VPS13B: variants seen among roughly 807,000 people sequenced by gnomAD.
VPS13B encodes intermembrane lipid transfer protein VPS13B.
Under a neutral mutation model 426.4 loss-of-function variants are expected in VPS13B, and 285 were observed. The ratio of observed to expected loss-of-function variants is 0.67; its 90% confidence interval spans 0.61 to 0.74. The LOEUF (loss-of-function observed/expected upper bound fraction) is 0.74. Ranked by LOEUF, VPS13B falls within the 30% of genes least tolerant of loss-of-function variation. The pLI, the probability that VPS13B is intolerant of heterozygous loss-of-function variation, is 0.00. For missense variants in VPS13B, 4,537 were observed against 4,782.6 expected (o/e 0.95, Z 1.51); for synonymous variants, 1,676 against 1,676.4 (o/e 1.00, Z 0.01).
At chr8:99,474,279 C>T (rs193175370) in intron 24 of VPS13B, among the ~76,000 whole-genome samples, 130 of 149,046 alleles carry the variant, frequency 8.7e-4, no homozygotes, top group African/African-American at 3.0e-3. Flanking sequence ...ACCTCCTCCT[C>T]GCAGGTTCAA....
At chr8:99,396,904 G>C (rs1179255461) in intron 21 of VPS13B, among the ~76,000 whole-genome samples, 1 of 151,212 alleles carries the variant, frequency 6.6e-6, no homozygotes, top group Admixed American at 6.6e-5. Context: ...GAATACTAAG[G>C]CTTCTACCAA....
intron 5 of VPS13B, among the ~76,000 whole-genome samples, chr8:99,106,567 G>A (rs75275256): frequency 1.3e-5 from 2 of 151,492 alleles, no homozygotes; most frequent in African/African-American, 2.4e-5. Flanking sequence ...TCAGCACCCA[G>A]AAGTGCTTGT....
intron 39 of VPS13B, among the ~76,000 whole-genome samples, chr8:99,732,513 G>C (rs1207032302): frequency 2.6e-5 from 4 of 152,204 alleles, no homozygotes; most frequent in Non-Finnish European, 5.9e-5. Flanking sequence ...AAGTTAAAAG[G>C]GAAATGGGGC....
At chr8:99,855,909 G>A (rs936730232) in intron 56 of VPS13B, among the ~76,000 whole-genome samples, 1 of 152,232 alleles carries the variant, frequency 6.6e-6, no homozygotes, top group African/African-American at 2.4e-5. Flanking sequence ...ATAGATGGGT[G>A]TATTTATAAA....
At chr8:99,657,687 T>C (rs1830073357) in intron 34 of VPS13B, among the ~76,000 whole-genome samples, 4 of 152,216 alleles carry the variant, frequency 2.6e-5, no homozygotes. Context: ...TATCTATAGA[T>C]AGATATTTAG....
At chr8:99,334,720 G>T (rs1282103786) in intron 19 of VPS13B, among the ~76,000 whole-genome samples, 1 of 152,126 alleles carries the variant, frequency 6.6e-6, no homozygotes, top group East Asian at 1.9e-4. Context: ...ACTTGATCAT[G>T]GTGGATAAGC....
At chr8:99,850,390 T>G (rs938042627) in intron 55 of VPS13B, among the ~76,000 whole-genome samples, 1 of 149,466 alleles carries the variant, frequency 6.7e-6, no homozygotes, top group African/African-American at 2.5e-5. Context: ...CATACATACA[T>G]AAGTACGCAT....
intron 35 of VPS13B, among the ~76,000 whole-genome samples, chr8:99,674,381 T>A (rs893323217): frequency 6.6e-6 from 1 of 152,118 alleles, no homozygotes; most frequent in Non-Finnish European, 1.5e-5. Flanking sequence ...AAGTATGATA[T>A]AAGTATAGCT....
intron 25 of VPS13B, among the ~76,000 whole-genome samples, chr8:99,484,854 A>AC (rs1288718312): frequency 6.6e-6 from 1 of 151,946 alleles, no homozygotes; most frequent in Non-Finnish European, 1.5e-5. Flanking sequence ...TGTCTCAAAA[A>AC]AAAAAAAAAA....
intron 21 of VPS13B, among the ~76,000 whole-genome samples, chr8:99,407,110 A>C (rs1266845418): frequency 6.6e-6 from 1 of 152,170 alleles, no homozygotes; most frequent in Non-Finnish European, 1.5e-5. Context: ...ATAGCTGAGA[A>C]TTGTCTGTAG....
chr8:99,380,166 CTT>C (rs1813715802), intron 19 of VPS13B, among the ~76,000 whole-genome samples: 1 of 152,086 alleles, frequency 6.6e-6, no homozygotes, highest in African/African-American at 2.4e-5. Flanking sequence ...AGATGACAGT[CTT>C]TGCTGTAGTA....
chr8:99,280,516 G>A (rs10216478), intron 19 of VPS13B, among the ~76,000 whole-genome samples: 121,907 of 152,208 alleles, frequency 0.8, 49,326 homozygotes, highest in South Asian at 0.89. Flanking sequence ...ATGAGAAATC[G>A]TTTGTTGAAT....
chr8:99,818,134 T>G (rs568870833), intron 45 of VPS13B, among the ~76,000 whole-genome samples: 2 of 152,282 alleles, frequency 1.3e-5, no homozygotes, highest in Admixed American at 6.5e-5. Flanking sequence ...GTCTGTTACT[T>G]TATCTCTTCC....
chr8:99,731,299 C>T (rs1169156867), intron 39 of VPS13B, among the ~76,000 whole-genome samples: 1 of 152,214 alleles, frequency 6.6e-6, no homozygotes. Context: ...TATCTTCCCT[C>T]TAACCTTGTA....
rs564615348 is a variant in VPS13B, at chr8:99,414,550, C to T, written c.3083-16987C>T. 3.9e-5 allele frequency among the ~76,000 whole-genome samples: 6 copies of T among 152,242 alleles called. No individual in the cohort carries two copies. The East Asian group carries it at 1.2e-3, about 29-fold the overall frequency. On this transcript the variant is annotated intron_variant, in intron 21 of 61. Transcript: ENST00000357162. ...ACAATTTGGTATGTTTTTGCAGTGG[C>T]TGGTACTGGTTTTTCCTTTTTATGT...
intron 3 of VPS13B, among the ~76,000 whole-genome samples, chr8:99,081,089 G>GT (rs1488307457): frequency 3.3e-5 from 5 of 152,202 alleles, no homozygotes; most frequent in African/African-American, 4.8e-5. Context: ...ATTCTAGGCA[G>GT]TGGTTGGCAG....
At chr8:99,364,665 T>C (rs1348928788) in intron 19 of VPS13B, among the ~76,000 whole-genome samples, 1 of 152,182 alleles carries the variant, frequency 6.6e-6, no homozygotes, top group African/African-American at 2.4e-5. Flanking sequence ...ACTCATGGCT[T>C]GAAGCAATCC....
At chr8:99,629,835 A>G (rs533376939) in intron 33 of VPS13B, among the ~76,000 whole-genome samples, 1 of 152,186 alleles carries the variant, frequency 6.6e-6, no homozygotes, top group African/African-American at 2.4e-5. Flanking sequence ...TCAGGTTCCC[A>G]TAATTGTCAT....
chr8:99,399,672 TATTTGA>T (rs1214864220), intron 21 of VPS13B, among the ~76,000 whole-genome samples: 1 of 152,200 alleles, frequency 6.6e-6, no homozygotes, highest in African/African-American at 2.4e-5. Context: ...ATTTACCACA[TATTTGA>T]ATTTCTTGCA....
Sources: allele counts gnomAD v4.1 joint callset (sites outside exome capture counted in the v4.1 genomes callset), GRCh38; gene constraint gnomAD v4.1.1; transcripts MANE v1.5; gene names NCBI Gene and HGNC (gene_info 2026-07-23, HGNC 2026-07-21).